APP: variants seen among roughly 807,000 people sequenced by gnomAD.
The protein encoded by APP is amyloid-beta precursor protein.
Under a neutral mutation model 101.4 loss-of-function variants are expected in APP, and 31 were observed. The observed-to-expected ratio is 0.31, with a 90% confidence interval of 0.23 to 0.41. The LOEUF (loss-of-function observed/expected upper bound fraction) is 0.41, where lower values mean the gene tolerates loss of function less well. Ranked by LOEUF, APP falls within the 10% of genes least tolerant of loss-of-function variation. The pLI is 1.00. For missense variants in APP, 839 were observed against 1,003.7 expected, an observed-to-expected ratio of 0.84 and a Z score of 2.22; for synonymous variants, 366 against 364.4, an observed-to-expected ratio of 1.00 and a Z score of -0.05.
intron 6 of APP, 147 bp from the exon 7 acceptor site, chr21:26,000,329 T>A: frequency 9.9e-7 from 1 of 1,012,024 alleles, no homozygotes; most frequent in Non-Finnish European, 1.5e-6. Context: ...TACTGAGGAA[T>A]TTAACTGGCC....
At chr21:26,079,569 T>C (rs1384831410) in intron 3 of APP, among the ~76,000 whole-genome samples, 1 of 152,178 alleles carries the variant, frequency 6.6e-6, no homozygotes, top group Non-Finnish European at 1.5e-5. Flanking sequence ...AGAAATCCAG[T>C]GTTCAGCTGA....
chr21:25,994,104 G>C (rs751703927), intron 8 of APP, among the ~76,000 whole-genome samples: 3 of 152,100 alleles, frequency 2.0e-5, no homozygotes, highest in South Asian at 2.1e-4. Flanking sequence ...TTTGCCTTTT[G>C]GGATGCAGTC....
intron 1 of APP, among the ~76,000 whole-genome samples, chr21:26,154,880 C>G (rs1447072219): frequency 1.3e-5 from 2 of 152,214 alleles, no homozygotes; most frequent in Non-Finnish European, 2.9e-5. Context: ...TCTCCTAGAG[C>G]TGCACTGTCC....
At chr21:26,009,054 G>A (rs116610413) in intron 6 of APP, among the ~76,000 whole-genome samples, 2,051 of 152,260 alleles carry the variant, frequency 0.013, 47 homozygotes, top group African/African-American at 0.047. Context: ...TGGATAACTC[G>A]AATGGATATC....
chr21:25,989,285 C>T (rs533249482), intron 8 of APP, among the ~76,000 whole-genome samples: 1 of 152,308 alleles, frequency 6.6e-6, no homozygotes, highest in South Asian at 2.1e-4. Context: ...GCACTGATTT[C>T]CCTCATTTTA....
intron 15 of APP, chr21:25,898,055 A>G (rs2038195871): frequency 4.5e-6 from 1 of 221,844 alleles, no homozygotes; most frequent in Non-Finnish European, 9.0e-6. Flanking sequence ...TTCCATGTGC[A>G]CTCATTACTT....
intron 2 of APP, among the ~76,000 whole-genome samples, chr21:26,102,889 C>CAAAAAAAAAA (rs3084283): frequency 1.6e-5 from 1 of 63,090 alleles, no homozygotes; most frequent in Non-Finnish European, 2.9e-5. Context: ...GACTCTGTCT[C>CAAAAAAAAAA]AAAAAAAAAA....
chr21:26,025,083 C>T (rs966443308), intron 5 of APP, among the ~76,000 whole-genome samples: 2 of 151,948 alleles, frequency 1.3e-5, no homozygotes, highest in Non-Finnish European at 2.9e-5. Flanking sequence ...TTTATCTCCT[C>T]GTAGAAATAA....
At chr21:26,094,999 C>T (rs1247325042) in intron 2 of APP, among the ~76,000 whole-genome samples, 1 of 152,228 alleles carries the variant, frequency 6.6e-6, no homozygotes, top group East Asian at 1.9e-4. Flanking sequence ...GCACCCACTA[C>T]CACACCCGGC....
chr21:26,151,692 C>T (rs553661975), intron 1 of APP, among the ~76,000 whole-genome samples: 2 of 152,112 alleles, frequency 1.3e-5, no homozygotes, highest in Non-Finnish European at 2.9e-5. Context: ...TTCTTACATG[C>T]GGTTCACAAT....
intron 5 of APP, among the ~76,000 whole-genome samples, chr21:26,024,980 A>C (rs1206237026): frequency 6.6e-6 from 1 of 152,252 alleles, no homozygotes; most frequent in African/African-American, 2.4e-5. Context: ...AGAAAATCCT[A>C]ATCAGTTATT....
At chr21:25,988,722 AAG>A in intron 8 of APP, among the ~76,000 whole-genome samples, 1 of 146,648 alleles carries the variant, frequency 6.8e-6, no homozygotes, top group Non-Finnish European at 1.5e-5. Flanking sequence ...AAAAAAAAAA[AAG>A]GAGACAAAGA....
chr21:25,902,714 C>T (rs1248149136), intron 15 of APP, among the ~76,000 whole-genome samples: 1 of 152,262 alleles, frequency 6.6e-6, no homozygotes, highest in East Asian at 1.9e-4. Flanking sequence ...AGTACTCCAT[C>T]TCCTCCCATC....
At chr21:25,965,751 A>AC (rs1312977876) in intron 11 of APP, among the ~76,000 whole-genome samples, 2 of 152,234 alleles carry the variant, frequency 1.3e-5, no homozygotes, top group African/African-American at 4.8e-5. Context: ...TCTATCAGTC[A>AC]TACCAGGCAG....
intron 2 of APP, among the ~76,000 whole-genome samples, chr21:26,099,031 G>A (rs1411788751): frequency 6.6e-6 from 1 of 152,122 alleles, no homozygotes; most frequent in Admixed American, 6.5e-5. Flanking sequence ...CAGATAGATG[G>A]GAGGGTTCAT....
At chr21:26,107,822 C>T (rs958937676) in intron 2 of APP, among the ~76,000 whole-genome samples, 1 of 152,176 alleles carries the variant, frequency 6.6e-6, no homozygotes, top group African/African-American at 2.4e-5. Flanking sequence ...AGCTTTTCTC[C>T]CCCTTTGAAG....
rs572123142 is a variant in APP, at chr21:25,896,437, A to AC, written c.2064+1135_2064+1136insG. On this transcript the variant is annotated intron_variant, in intron 16 of 17. Coordinates refer to ENST00000346798, the MANE Select transcript of APP (RefSeq NM_000484.4). Reference sequence around the variant, plus strand: ...TAACACTCACACACACACACACACAAAACAAAACAAAAGAAGTGCCTGAGA... The same window carrying AC: ...TAACACTCACACACACACACACACAACAACAAAACAAAAGAAGTGCCTGAGA... Among the ~76,000 whole-genome samples the AC allele has an allele frequency of 6.1e-3, 871 of 143,308 alleles. 9 individuals carry two copies. Among genetic ancestry groups the AC allele is most frequent in the Non-Finnish European group, 8.2e-3 (520 of 63,792 alleles). 94.0% of individuals were successfully genotyped at this position (143,308 alleles called of 152,430 possible).
intron 5 of APP, among the ~76,000 whole-genome samples, chr21:26,036,612 G>C (rs1456810645): frequency 6.6e-6 from 1 of 152,122 alleles, no homozygotes. Flanking sequence ...CTTTACAGTC[G>C]TGGTCATAGC....
At chr21:26,082,046 C>T (rs1050770354) in intron 3 of APP, among the ~76,000 whole-genome samples, 2 of 152,046 alleles carry the variant, frequency 1.3e-5, no homozygotes, top group Non-Finnish European at 2.9e-5. Context: ...GATGAAACCC[C>T]ATCTCTACTA....
Sources: gnomAD v4.1 joint callset for allele counts (sites outside exome capture counted in the v4.1 genomes callset) on GRCh38, gnomAD v4.1.1 for gene constraint, MANE v1.5 for transcripts, NCBI Gene and HGNC (gene_info 2026-07-23, HGNC 2026-07-21) for gene names.